VPS26A: variants seen among roughly 807,000 people sequenced by gnomAD.
VPS26A encodes vacuolar protein sorting-associated protein 26A.
A neutral mutation model predicts 42.4 loss-of-function variants in VPS26A; 22 were observed. The ratio of observed to expected loss-of-function variants is 0.52; its 90% confidence interval spans 0.37 to 0.74. The LOEUF is 0.74. Among genes scored for constraint, VPS26A ranks in the 30% least tolerant of loss-of-function variants. The pLI is 0.00. For missense variants in VPS26A, 276 were observed against 379.2 expected, an observed-to-expected ratio of 0.73 and a Z score of 2.26; for synonymous variants, 110 against 123.5, an observed-to-expected ratio of 0.89 and a Z score of 0.73.
At chr10:69,145,726 CT>C (rs59254404) in intron 2 of VPS26A, among the ~76,000 whole-genome samples, 73 of 146,252 alleles carry the variant, frequency 5.0e-4, no homozygotes, top group African/African-American at 1.3e-3. Flanking sequence ...TTTTTCTTTT[CT>C]TTTTTTTTTT....
At chr10:69,157,213 T>A in intron 4 of VPS26A, 50 bp downstream of exon 4, 1 of 1,533,660 alleles carries the variant, frequency 6.5e-7, no homozygotes, top group Non-Finnish European at 8.8e-7. Context: ...CAGAAAGTAA[T>A]GACTACTGTT....
At chr10:69,140,692 A>T (rs1841021662) in intron 2 of VPS26A, among the ~76,000 whole-genome samples, 1 of 152,020 alleles carries the variant, frequency 6.6e-6, no homozygotes, top group Non-Finnish European at 1.5e-5. Flanking sequence ...GCCCTTCCTG[A>T]ACTTTTGATG....
intron 2 of VPS26A, among the ~76,000 whole-genome samples, chr10:69,152,151 G>T (rs1015138814): frequency 1.3e-5 from 2 of 152,150 alleles, no homozygotes; most frequent in Non-Finnish European, 2.9e-5. Context: ...TGAGGCTGCA[G>T]TGAGTCATGA....
chr10:69,163,930 T>C (rs1258726955), intron 6 of VPS26A, among the ~76,000 whole-genome samples: 1 of 151,208 alleles, frequency 6.6e-6, no homozygotes, highest in African/African-American at 2.4e-5. Flanking sequence ...CACGCCCGGC[T>C]AATTTTTTTT....
intron 2 of VPS26A, among the ~76,000 whole-genome samples, chr10:69,155,356 A>G (rs1214306856): frequency 6.6e-6 from 1 of 152,220 alleles, no homozygotes; most frequent in Non-Finnish European, 1.5e-5. Context: ...AGCATTGTCC[A>G]TAATATAGTC....
chr10:69,161,887 G>A, intron 5 of VPS26A: 1 of 226,540 alleles, frequency 4.4e-6, no homozygotes, highest in Non-Finnish European at 9.2e-6. Context: ...ACCTCCAGCA[G>A]CAATGCCTTC....
intron 2 of VPS26A, among the ~76,000 whole-genome samples, chr10:69,139,994 T>C (rs1035988261): frequency 2.0e-5 from 3 of 152,176 alleles, no homozygotes; most frequent in Non-Finnish European, 4.4e-5. Flanking sequence ...TCTCTTTTTT[T>C]CTTAAAATAA....
intron 6 of VPS26A, among the ~76,000 whole-genome samples, chr10:69,164,135 A>T (rs1841627885): frequency 6.6e-6 from 1 of 152,014 alleles, no homozygotes; most frequent in South Asian, 2.1e-4. Context: ...TATTTTCTGT[A>T]AGCCATTCAT....
Position 69,152,533 on chromosome 10 carries a change from A to T in VPS26A, c.154-3279A>T, listed in dbSNP as rs184627599. On this transcript the variant is annotated intron_variant, in intron 2 of 8. Transcript: ENST00000263559. ...TTATATTGGTTATAAGATAGGGAAG[A>T]TACAGAAGATGAATATTTTAATCTA... Among the ~76,000 whole-genome samples the T allele has an allele frequency of 2.6e-5, 4 of 152,360 alleles. No homozygotes were observed. In the East Asian group the frequency reaches 7.7e-4, roughly 29 times the overall value.
intron 8 of VPS26A, among the ~76,000 whole-genome samples, chr10:69,169,658 G>GA (rs1841773724): frequency 2.0e-5 from 3 of 151,142 alleles, no homozygotes; most frequent in African/African-American, 7.3e-5. Flanking sequence ...GCCCAGGCTG[G>GA]AGTGCAGTGG....
chr10:69,153,724 G>A (rs1841370935), intron 2 of VPS26A, among the ~76,000 whole-genome samples: 1 of 151,948 alleles, frequency 6.6e-6, no homozygotes, highest in South Asian at 2.1e-4. Context: ...AATTTGGCTG[G>A]GTATGGTCAC....
intron 7 of VPS26A, among the ~76,000 whole-genome samples, chr10:69,166,479 T>C (rs902700801): frequency 1.3e-5 from 2 of 152,132 alleles, no homozygotes; most frequent in Non-Finnish European, 2.9e-5. Flanking sequence ...GTTTTTGGAG[T>C]CATTATAGCT....
intron 3 of VPS26A, 121 bp downstream of exon 3, chr10:69,156,008 A>G (rs1358529641): frequency 4.2e-6 from 3 of 711,542 alleles, no homozygotes; most frequent in Admixed American, 2.8e-5. Flanking sequence ...TTGATTTTGC[A>G]TAATAAAAGA....
chr10:69,133,074 C>G (rs1482372934), intron 2 of VPS26A, 27 bp downstream of exon 2: 1 of 1,598,568 alleles, frequency 6.3e-7, no homozygotes, highest in East Asian at 2.2e-5. Flanking sequence ...ACAAAACTAT[C>G]TAATTGTAAG....
At chr10:69,169,624 T>C (rs1342527092) in intron 8 of VPS26A, among the ~76,000 whole-genome samples, 1 of 151,666 alleles carries the variant, frequency 6.6e-6, no homozygotes, top group Non-Finnish European at 1.5e-5. Context: ...AAGTTTTTTT[T>C]TTGAGACAGA....
rs1840843766 is a variant in VPS26A at position 69,133,710 on chromosome 10, T to A, written c.153+663T>A. On this transcript the variant is annotated intron_variant, in intron 2 of 8. Coordinates refer to ENST00000263559, the MANE Select transcript of VPS26A (RefSeq NM_004896.5). ...GTTTTGTTTCGTTTTTTAAATAGGG[T>A]CTCACTCTGTTGCTCAAGCTGGAGT... The A allele has an allele frequency of 3.9e-6, 3 of 764,150 alleles. No individual in the cohort carries two copies. The Admixed American group carries it at 7.7e-5, about 20-fold the overall frequency. 47.3% of individuals were successfully genotyped at this position (764,150 alleles called of 1,614,324 possible).
chr10:69,146,354 G>T (rs1043367991), intron 2 of VPS26A, among the ~76,000 whole-genome samples: 6 of 152,110 alleles, frequency 3.9e-5, no homozygotes, highest in African/African-American at 1.4e-4. Flanking sequence ...CAAAGTGCTG[G>T]AATTATAGGC....
chr10:69,171,084 G>T (rs1841802631), intron 8 of VPS26A, 72 bp from the exon 9 acceptor site: 2 of 1,185,930 alleles, frequency 1.7e-6, no homozygotes, highest in Admixed American at 2.3e-5. Context: ...GGTTAAAATT[G>T]AAGTGGCAAT....
chr10:69,149,453 AG>A (rs1841241776), intron 2 of VPS26A, among the ~76,000 whole-genome samples: 1 of 152,340 alleles, frequency 6.6e-6, no homozygotes, highest in Admixed American at 6.5e-5. Context: ...GATACTAAAG[AG>A]ATATGTAATC....
Sources: gnomAD v4.1 joint callset for allele counts (sites outside exome capture counted in the v4.1 genomes callset) on GRCh38, gnomAD v4.1.1 for gene constraint, MANE v1.5 for transcripts, NCBI Gene and HGNC (gene_info 2026-07-23, HGNC 2026-07-21) for gene names.